Variants in ATP2A3 observed in about 807,000 individuals in gnomAD.
The protein encoded by ATP2A3 is ATPase sarcoplasmic/endoplasmic reticulum Ca2+ transporting 3.
A neutral mutation model predicts 106.8 loss-of-function variants in ATP2A3; 61 were observed. The ratio of observed to expected loss-of-function variants is 0.57; its 90% CI spans 0.46 to 0.71. The LOEUF (loss-of-function observed/expected upper bound fraction) is 0.71. Among genes scored for constraint, ATP2A3 ranks in the 30% least tolerant of loss-of-function variants. The probability of loss-of-function intolerance (pLI) is 0.00; values close to 1 mark genes in which losing one functional copy is unlikely to be tolerated. For synonymous variants in ATP2A3, 611 were observed against 609.3 expected, an observed-to-expected ratio of 1.00 and a Z score of -0.04; for missense variants, 1,201 against 1,423.5, an observed-to-expected ratio of 0.84 and a Z score of 2.52.
chr17:3,924,883 C>G lies in ATP2A3; in HGVS notation c.*539G>C, dbSNP rs2052620952. ...GAGTGGAGTGGAGGGGGCTGCCCAC[C>G]CTCGCTGTACACAGCTGGGCCCAGA... On this transcript the variant is annotated 3_prime_UTR_variant, in exon 21 of 21. Coordinates refer to ENST00000397041, the MANE Select transcript of ATP2A3 (RefSeq NM_005173.4). The surrounding 1 kb of genome is among the most constrained non-coding windows in gnomAD (Gnocchi z 6.4). 2.2e-6 allele frequency: 1 copy of G among 456,706 alleles called. No individual in the cohort carries two copies. Among genetic ancestry groups the G allele is most frequent in the Admixed American group, 2.4e-5 (1 of 42,522 alleles). The allele number at this position is 456,706 out of a possible 1,614,324, so 28.3% of individuals were successfully genotyped here. A position where few individuals can be genotyped will look rare whatever the true frequency, so the allele number is the denominator to read the frequency against.
chr17:3,943,035 C>T (rs2053871947), intron 11 of ATP2A3, among the ~76,000 whole-genome samples: 1 of 152,178 alleles, frequency 6.6e-6, no homozygotes, highest in Non-Finnish European at 1.5e-5. Context: ...CGCCTGTAAT[C>T]CCAGCACTCT....
chr17:3,963,745 C>A (rs1336077159), intron 1 of ATP2A3, among the ~76,000 whole-genome samples: 1 of 152,222 alleles, frequency 6.6e-6, no homozygotes, highest in Non-Finnish European at 1.5e-5. Flanking sequence ...TCAGGGGAGA[C>A]CCTGGGGCCA....
At chr17:3,931,897 G>A (rs1444510536) in intron 17 of ATP2A3, among the ~76,000 whole-genome samples, 4 of 152,164 alleles carry the variant, frequency 2.6e-5, no homozygotes, top group South Asian at 2.1e-4. Flanking sequence ...TAAAATGCCC[G>A]GCTGTCTGAT....
rs2053222830 is a variant in ATP2A3 at position 3,933,270 on chromosome 17, G to T, written c.2610+1922C>A. On this transcript the variant is annotated intron_variant, in intron 17 of 20. Transcript: ENST00000397041. ...CACTCCAGCCTGGGTGACAGAGCGA[G>T]ACTCTGTCTCAAATAAATAAATAAA... is the stretch of plus-strand genomic sequence containing the variant. Among the ~76,000 whole-genome samples, 3 of 149,556 alleles carry T rather than the reference G, an allele frequency of 2.0e-5. No individual in the cohort carries two copies. In the South Asian group the frequency reaches 6.3e-4, roughly 31 times the overall value.
At chr17:3,931,803 G>C (rs1044309508) in intron 17 of ATP2A3, among the ~76,000 whole-genome samples, 30 of 152,148 alleles carry the variant, frequency 2.0e-4, no homozygotes, top group African/African-American at 7.0e-4. Flanking sequence ...TTACAGGCGT[G>C]AGCCACCGCG....
Position 3,935,164 on chromosome 17 carries a change from A to C in ATP2A3, c.2610+28T>G, listed in dbSNP as rs1255268127. The C allele has an allele frequency of 3.1e-6, 5 of 1,612,354 alleles. No homozygotes were observed. In the African/African-American group the frequency reaches 6.7e-5, roughly 22 times the overall value. On this transcript the variant is annotated intron_variant, in intron 17 of 20. Coordinates refer to ENST00000397041, the MANE Select transcript of ATP2A3 (RefSeq NM_005173.4). ...TCCAACAACTCGAGCTGTAAGTTCA[A>C]CAGGCTCCCTGGCCAGCCCTTGCTC...
chr17:3,947,494 G>A lies in ATP2A3; in HGVS notation c.992C>T (p.Ala331Val). 6.2e-7 allele frequency: 1 copy of A among 1,613,622 alleles called. No individual in the cohort carries two copies. Among genetic ancestry groups the A allele is most frequent in the Non-Finnish European group, 8.5e-7 (1 of 1,180,030 alleles). The change falls in exon 8 of 21, where the codon GCC becomes GTC. Residue 331 changes from alanine to valine, a missense_variant. Physicochemically the swap from Ala to Val is moderately conservative, Grantham distance 64. Transcript: ENST00000397041. The surrounding 1 kb of genome is among the most constrained non-coding windows in gnomAD (Gnocchi z 7.7). ...LGTRRMARKN[A>V]IVRSLPSVET... Reference sequence around the variant, plus strand: ...CACGGACGGCAGGCTTCGCACGATGGCGTTCTTGCGTGCCATGCGCCGCGT... The same window carrying A: ...CACGGACGGCAGGCTTCGCACGATGACGTTCTTGCGTGCCATGCGCCGCGT...
In ATP2A3 at chr17:3,947,304, C is replaced by T; in HGVS notation, c.1095+87G>A. 1 of 1,483,360 alleles carries T rather than the reference C, an allele frequency of 6.7e-7. No homozygotes were observed. Among genetic ancestry groups the T allele is most frequent in the Non-Finnish European group, 9.3e-7 (1 of 1,070,888 alleles). 91.9% of individuals were successfully genotyped at this position (1,483,360 alleles called of 1,614,324 possible). On this transcript the variant is annotated intron_variant, in intron 8 of 20. Transcript: ENST00000397041. This position sits in a 1 kb window ranked among gnomAD's most constrained non-coding sequence, Gnocchi z 7.7. Reference sequence around the variant, plus strand: ...CCCACAGATTCTCTCCTCCATCCCTCACTGAAAAGGAGGTGGGGGAGAGAC... The same window carrying T: ...CCCACAGATTCTCTCCTCCATCCCTTACTGAAAAGGAGGTGGGGGAGAGAC...
At position 3,929,461 on chromosome 17, in the gene ATP2A3, GT is replaced by G; in HGVS notation, c.2745-17del. 1 of 1,583,270 alleles carries G rather than the reference GT, an allele frequency of 6.3e-7. No individual in the cohort carries two copies. The highest frequency in any genetic ancestry group is 1.3e-5 in the African/African-American group (1 of 74,316). Reference sequence around the variant, plus strand: ...CTCCGAGACGCTGCCAGGGCACAGGGTGCTCCCCTTAGGCCGGGGTGCAGGG... The same window carrying G: ...CTCCGAGACGCTGCCAGGGCACAGGGGCTCCCCTTAGGCCGGGGTGCAGGG... On this transcript the variant is annotated splice_polypyrimidine_tract_variant and intron_variant, in intron 18 of 20. Transcript: ENST00000397041. This position sits in a 1 kb window ranked among gnomAD's most constrained non-coding sequence, Gnocchi z 4.3.
At chr17:3,951,164 C>A in intron 5 of ATP2A3, 87 bp downstream of exon 5, 1 of 1,122,662 alleles carries the variant, frequency 8.9e-7, no homozygotes, top group East Asian at 4.3e-5. Flanking sequence ...CAGAGCACGA[C>A]TCCATCTCAA....
intron 17 of ATP2A3, among the ~76,000 whole-genome samples, chr17:3,934,538 T>TTTTTTC (rs71381541): frequency 6.8e-6 from 1 of 146,364 alleles, no homozygotes; most frequent in African/African-American, 2.6e-5. Context: ...TTTTTTTTTT[T>TTTTTTC]CTTGAGATGG....
Position 3,940,251 on chromosome 17 carries a change from C to T in ATP2A3, c.2100+720G>A, listed in dbSNP as rs192434769. ...TACGCCAAAGATCTGTGTGCTTCAT[C>T]GAAGGCAAATTTTGCCTCAAAAAGG... On this transcript the variant is annotated intron_variant, in intron 14 of 20. Coordinates refer to ENST00000397041, the MANE Select transcript of ATP2A3 (RefSeq NM_005173.4). Among the ~76,000 whole-genome samples, 67 of 151,912 alleles carry T rather than the reference C, an allele frequency of 4.4e-4. 1 individual carries two copies. The East Asian group carries it at 9.3e-3, about 21-fold the overall frequency.
rs192631708 is a variant in ATP2A3, at chr17:3,933,508, C to T, written c.2610+1684G>A. Among the ~76,000 whole-genome samples the T allele has an allele frequency of 9.2e-3, 1,384 of 151,120 alleles. 82 individuals carry two copies. Among genetic ancestry groups the T allele is most frequent in the African/African-American group, 0.032 (1,312 of 40,714 alleles). On this transcript the variant is annotated intron_variant, in intron 17 of 20. Transcript: ENST00000397041. Reference sequence around the variant, plus strand: ...ATCCCAGCACTTTGGGAGGCTGAGGCGGGCGGATCATGAGGTCAGGAGATC... The same window carrying T: ...ATCCCAGCACTTTGGGAGGCTGAGGTGGGCGGATCATGAGGTCAGGAGATC...
rs1186946869 is a variant in ATP2A3 at position 3,926,581 on chromosome 17, G to A, written c.2981-1140C>T. ...AGTCTCACCCTCTCTTTTTGGGGGAGAGTGGGGGAACAGAGTTTTGCTCTG... is the reference window on the plus strand; with the variant it reads ...AGTCTCACCCTCTCTTTTTGGGGGAAAGTGGGGGAACAGAGTTTTGCTCTG... On this transcript the variant is annotated intron_variant, in intron 20 of 20. Coordinates refer to ENST00000397041, the MANE Select transcript of ATP2A3 (RefSeq NM_005173.4). This position sits in a 1 kb window ranked among gnomAD's most constrained non-coding sequence, Gnocchi z 4.6. Among the ~76,000 whole-genome samples, 1 of 152,108 alleles carries A rather than the reference G, an allele frequency of 6.6e-6. No homozygotes were observed. Among genetic ancestry groups the A allele is most frequent in the African/African-American group, 2.4e-5 (1 of 41,418 alleles).
intron 1 of ATP2A3, among the ~76,000 whole-genome samples, chr17:3,957,038 T>C (rs1009662182): frequency 6.6e-6 from 1 of 152,192 alleles, no homozygotes; most frequent in Non-Finnish European, 1.5e-5. Flanking sequence ...CCAAGCAATG[T>C]ACCAGGTGCC....
Position 3,925,525 on chromosome 17 carries a change from CCA to C in ATP2A3, c.2981-86_2981-85del. On this transcript the variant is annotated intron_variant, in intron 20 of 20. Transcript: ENST00000397041. This position sits in a 1 kb window ranked among gnomAD's most constrained non-coding sequence, Gnocchi z 4.2. ...GCTTCCTTCCAGCCCCTTCCATCCT[CCA>C]CTTCTCCCAGGACAGCCCCAGGCTC... is the stretch of plus-strand genomic sequence containing the variant. 2 of 1,516,490 alleles carry C rather than the reference CCA, an allele frequency of 1.3e-6. No individual in the cohort carries two copies. Among genetic ancestry groups the C allele is most frequent in the Non-Finnish European group, 1.8e-6 (2 of 1,119,756 alleles). 93.9% of individuals were successfully genotyped at this position (1,516,490 alleles called of 1,614,324 possible). A position where few individuals can be genotyped will look rare whatever the true frequency, so the allele number is the denominator to read the frequency against.
At position 3,924,956 on chromosome 17, in the gene ATP2A3, G is replaced by C. The variant is rs990546213; in HGVS notation, c.*466C>G. 1 of 409,142 alleles carries C rather than the reference G, an allele frequency of 2.4e-6. No homozygotes were observed. The highest frequency in any genetic ancestry group is 4.9e-6 in the Non-Finnish European group (1 of 205,536). The allele number at this position is 409,142 out of a possible 1,614,324, so 25.3% of individuals were successfully genotyped here. A position where few individuals can be genotyped will look rare whatever the true frequency, so the allele number is the denominator to read the frequency against. On this transcript the variant is annotated 3_prime_UTR_variant, in exon 21 of 21. Coordinates refer to ENST00000397041, the MANE Select transcript of ATP2A3 (RefSeq NM_005173.4). The surrounding 1 kb of genome is among the most constrained non-coding windows in gnomAD (Gnocchi z 6.4). The stretch of plus-strand genomic sequence containing the variant: ...GCTGACCCAGTCCCAGACCAGGCAC[G>C]AAGAGAGAGGTCAGAGCCGGTAAGA...
intron 16 of ATP2A3, among the ~76,000 whole-genome samples, chr17:3,935,662 C>A (rs565679847): frequency 9.2e-5 from 14 of 151,928 alleles, no homozygotes; most frequent in Admixed American, 9.2e-4. Context: ...CTCAGTCTCC[C>A]GAGTAGGTGG....
chr17:3,951,693 A>G lies in ATP2A3; in HGVS notation c.220-8T>C. 6.2e-7 allele frequency: 1 copy of G among 1,604,038 alleles called. No homozygotes were observed. The highest frequency in any genetic ancestry group is 8.5e-7 in the Non-Finnish European group (1 of 1,175,824). On this transcript the variant is annotated splice_polypyrimidine_tract_variant and splice_region_variant and intron_variant, in intron 3 of 20. Transcript: ENST00000397041. ...CTCGAACCAGGCCAGGACCTGCAGG[A>G]TCACAGCTGGTGAGCTCAGGCCCTG... is the stretch of plus-strand genomic sequence containing the variant.
Sources: allele counts gnomAD v4.1 joint callset (sites outside exome capture counted in the v4.1 genomes callset), GRCh38; gene constraint gnomAD v4.1.1; non-coding constraint Gnocchi (gnomAD v3.1); transcripts MANE v1.5; gene names NCBI Gene and HGNC (gene_info 2026-07-23, HGNC 2026-07-21).